The following OSBPL1A variants were observed in gnomAD, a reference collection of about 807,000 sequenced individuals.
OSBPL1A encodes the protein oxysterol binding protein like 1A.
OSBPL1A carries 80 observed loss-of-function variants against 137.1 expected under a neutral mutation model. The observed-to-expected ratio is 0.58, with a 90% CI of 0.49 to 0.70. The LOEUF (loss-of-function observed/expected upper bound fraction) is 0.70. Among genes scored for constraint, OSBPL1A ranks in the 30% least tolerant of loss-of-function variants. OSBPL1A has a pLI of 0.00. For missense variants in OSBPL1A, 970 were observed against 1,129.4 expected, an observed-to-expected ratio of 0.86 and a Z score of 2.02; for synonymous variants, 365 against 389.7, an observed-to-expected ratio of 0.94 and a Z score of 0.75.
At chr18:24,309,778 G>A (rs1321529723) in intron 13 of OSBPL1A, among the ~76,000 whole-genome samples, 1 of 152,172 alleles carries the variant, frequency 6.6e-6, no homozygotes, top group Non-Finnish European at 1.5e-5. Context: ...CAGGCATGGT[G>A]GCTCATGCCT....
In OSBPL1A at chr18:24,281,151, T is replaced by C. The variant is rs145242556; in HGVS notation, c.1175-203A>G. Among the ~76,000 whole-genome samples, 764 of 152,252 alleles carry C rather than the reference T, an allele frequency of 5.0e-3. 6 individuals are homozygous for C. Among genetic ancestry groups the C allele is most frequent in the Middle Eastern group, 0.01 (3 of 292 alleles). On this transcript the variant is annotated intron_variant, in intron 14 of 27. Coordinates refer to ENST00000319481, the MANE Select transcript of OSBPL1A (RefSeq NM_080597.4). The stretch of plus-strand genomic sequence containing the variant: ...CCTAGGCTGGAGTGCAGTGGTGCAA[T>C]CTTGGCTCACTGCAACCTCTGCTTC...
At chr18:24,272,155 G>T in intron 15 of OSBPL1A, 1 of 983,924 alleles carries the variant, frequency 1.0e-6, no homozygotes. Flanking sequence ...TGGGCTCTAC[G>T]TGAGTGCCGC....
At chr18:24,172,318 C>T (rs1232760932) in intron 22 of OSBPL1A, 58 bp downstream of exon 22, 1 of 1,224,770 alleles carries the variant, frequency 8.2e-7, no homozygotes, top group African/African-American at 1.5e-5. Flanking sequence ...AAACTGATGT[C>T]CACTAAAACT....
chr18:24,331,718 C>G (rs2091082647), intron 7 of OSBPL1A, among the ~76,000 whole-genome samples: 1 of 151,370 alleles, frequency 6.6e-6, no homozygotes, highest in South Asian at 2.1e-4. Context: ...TTTAAATACC[C>G]AAGACACCTT....
At position 24,303,675 on chromosome 18, in the gene OSBPL1A, T is replaced by C. The variant is rs2090445609; in HGVS notation, c.1136A>G (p.Asn379Ser). The C allele has an allele frequency of 3.1e-6, 5 of 1,613,690 alleles. No homozygotes were observed. Among genetic ancestry groups the C allele is most frequent in the Non-Finnish European group, 4.2e-6 (5 of 1,179,768 alleles). Residue 379 changes from asparagine (N) to serine (S), a missense_variant, in exon 14 of 28, where the codon AAC (asparagine) becomes AGC (serine). By Grantham distance (46) the Asn-to-Ser change is conservative (BLOSUM62 1). Around this residue, in one of 2 missense-constraint regions of OSBPL1A, gnomAD observed 647 missense variants for 672.6 expected, o/e 0.96. Coordinates refer to ENST00000319481, the MANE Select transcript of OSBPL1A (RefSeq NM_080597.4). ...CQQRLDREIS[N>S]FLKMIKECDM... ...ACACTCCTTAATCATTTTGAGAAAGTTGGAAATTTCCCTATCTAGTCGCTG... is the reference window on the plus strand; with the variant it reads ...ACACTCCTTAATCATTTTGAGAAAGCTGGAAATTTCCCTATCTAGTCGCTG...
At chr18:24,324,603 T>TAAA (rs71163674) in intron 7 of OSBPL1A, among the ~76,000 whole-genome samples, 5 of 5,652 alleles carry the variant, frequency 8.8e-4, no homozygotes, top group African/African-American at 3.1e-3. Flanking sequence ...AATATGAATA[T>TAAA]AAAAAAAAAA....
chr18:24,178,299 T>A (rs1422843915), intron 20 of OSBPL1A, 104 bp from the exon 21 acceptor site: 12 of 1,106,200 alleles, frequency 1.1e-5, no homozygotes, highest in Non-Finnish European at 1.5e-5. Context: ...ACAATTCTTT[T>A]GTTGTTGTTG....
intron 6 of OSBPL1A, among the ~76,000 whole-genome samples, chr18:24,333,294 T>C (rs1416896576): frequency 6.6e-6 from 1 of 152,108 alleles, no homozygotes; most frequent in Non-Finnish European, 1.5e-5. Flanking sequence ...CAGGCCTGTG[T>C]CCGGGTCTCA....
At chr18:24,392,878 A>C (rs1907455350) in intron 1 of OSBPL1A, among the ~76,000 whole-genome samples, 1 of 152,026 alleles carries the variant, frequency 6.6e-6, no homozygotes, top group Non-Finnish European at 1.5e-5. Flanking sequence ...TTTTATAGAG[A>C]TGTGGTCTGG....
intron 1 of OSBPL1A, among the ~76,000 whole-genome samples, chr18:24,396,845 T>C (rs1907776401): frequency 6.6e-6 from 1 of 152,140 alleles, no homozygotes; most frequent in Non-Finnish European, 1.5e-5. Context: ...AAACTCCAAA[T>C]CCAGAATGCA....
intron 1 of OSBPL1A, among the ~76,000 whole-genome samples, chr18:24,389,462 T>C (rs1383408477): frequency 6.6e-6 from 1 of 152,220 alleles, no homozygotes; most frequent in African/African-American, 2.4e-5. Context: ...CCATACTTGA[T>C]AGTCTATGCC....
intron 15 of OSBPL1A, among the ~76,000 whole-genome samples, chr18:24,244,964 T>C (rs2088837565): frequency 6.6e-6 from 1 of 152,204 alleles, no homozygotes; most frequent in Non-Finnish European, 1.5e-5. Flanking sequence ...ATAGGTACAA[T>C]TCTGACCTTG....
intron 18 of OSBPL1A, among the ~76,000 whole-genome samples, chr18:24,183,880 T>C (rs895001759): frequency 1.3e-5 from 2 of 152,306 alleles, no homozygotes; most frequent in Admixed American, 6.5e-5. Context: ...AATCACAGGA[T>C]AGTAGAATGC....
intron 15 of OSBPL1A, among the ~76,000 whole-genome samples, chr18:24,249,707 T>C (rs984901968): frequency 6.6e-6 from 1 of 152,044 alleles, no homozygotes; most frequent in Non-Finnish European, 1.5e-5. Context: ...ACAGGAGCAT[T>C]TGGACCAGCC....
chr18:24,255,237 G>C (rs12150776), intron 15 of OSBPL1A, among the ~76,000 whole-genome samples: 49,535 of 152,080 alleles, frequency 0.33, 9,489 homozygotes, highest in Middle Eastern at 0.5. Context: ...AAAAGCCTGG[G>C]ACCTGAAGGC....
Position 24,165,168 on chromosome 18 carries a change from C to T in OSBPL1A, c.2660-13G>A. ...TCACTAGCTTGATCTAAAATAAGAA[C>T]ATCAACACAAACCATTAACACTCTA... is the stretch of plus-strand genomic sequence containing the variant. On this transcript the variant is annotated splice_polypyrimidine_tract_variant and intron_variant, in intron 26 of 27. Coordinates refer to ENST00000319481, the MANE Select transcript of OSBPL1A (RefSeq NM_080597.4). 3 of 1,441,704 alleles carry T rather than the reference C, an allele frequency of 2.1e-6. No homozygotes were observed. The highest frequency in any genetic ancestry group is 2.8e-6 in the Non-Finnish European group (3 of 1,057,000). 89.3% of individuals were successfully genotyped at this position (1,441,704 alleles called of 1,614,324 possible). A position where few individuals can be genotyped will look rare whatever the true frequency, so the allele number is the denominator to read the frequency against.
chr18:24,164,940 C>T (rs1260778701), intron 27 of OSBPL1A, 125 bp downstream of exon 27: 1 of 909,316 alleles, frequency 1.1e-6, no homozygotes, highest in African/African-American at 1.7e-5. Flanking sequence ...AGGCCTGGGA[C>T]AACTCGGCAG....
Position 24,333,052 on chromosome 18 carries a change from G to A in OSBPL1A, c.515C>T (p.Ser172Leu), listed in dbSNP as rs142915669. The A allele has an allele frequency of 2.2e-5, 35 of 1,613,902 alleles. No individual in the cohort carries two copies. The highest frequency in any genetic ancestry group is 1.6e-4 in the Middle Eastern group (1 of 6,080). The change falls in exon 7 of 28, where the codon TCG becomes TTG. Residue 172 changes from serine (S) to leucine (L), a missense_variant. Transcript: ENST00000319481. Reference protein sequence around the residue: ...NRPNPPDVNCSDQLGNTPLHC... With the variant: ...NRPNPPDVNCLDQLGNTPLHC... ...CAAGGGTGTATTTCCTAACTGATCC[G>A]AACAGTTAACATCAGGAGGATTGGG...
chr18:24,246,652 A>G (rs2088898017), intron 15 of OSBPL1A, among the ~76,000 whole-genome samples: 1 of 151,836 alleles, frequency 6.6e-6, no homozygotes, highest in Non-Finnish European at 1.5e-5. Flanking sequence ...TTAGCCAAGC[A>G]TGGTGGTACA....
Sources: allele counts gnomAD v4.1 joint callset (sites outside exome capture counted in the v4.1 genomes callset), GRCh38; gene constraint gnomAD v4.1.1; regional missense constraint gnomAD v4.1.1; transcripts MANE v1.5; gene names NCBI Gene and HGNC (gene_info 2026-07-23, HGNC 2026-07-21).